MGAT4C: variants seen among roughly 807,000 people sequenced by gnomAD.
MGAT4C encodes alpha-1,3-mannosyl-glycoprotein 4-beta-N-acetylglucosaminyltransferase C.
Under a neutral mutation model 40.1 loss-of-function variants are expected in MGAT4C, and 19 were observed. That is an observed-to-expected ratio of 0.47 (90% CI 0.33 to 0.70). The LOEUF is 0.70. MGAT4C is among the 30% of genes least tolerant of loss of function. The pLI, the probability that MGAT4C is intolerant of heterozygous loss-of-function variation, is 0.02. For missense variants in MGAT4C, 491 were observed against 563.2 expected, an observed-to-expected ratio of 0.87 and a Z score of 1.30; for synonymous variants, 181 against 187.1, an observed-to-expected ratio of 0.97 and a Z score of 0.27.
chr12:86,603,944 A>T (rs1355243997), intron 2 of MGAT4C, among the ~76,000 whole-genome samples: 1 of 151,236 alleles, frequency 6.6e-6, no homozygotes, highest in Non-Finnish European at 1.5e-5. Flanking sequence ...AACCTGATAT[A>T]GTTACATTTC....
intron 2 of MGAT4C, among the ~76,000 whole-genome samples, chr12:86,714,701 T>A (rs1162119365): frequency 6.6e-6 from 1 of 151,252 alleles, no homozygotes; most frequent in East Asian, 1.9e-4. Flanking sequence ...TTACCCAGTC[T>A]CCAGTATGTC....
At chr12:86,036,609 G>C (rs1891261697) in intron 2 of MGAT4C, among the ~76,000 whole-genome samples, 2 of 149,940 alleles carry the variant, frequency 1.3e-5, no homozygotes, top group Admixed American at 6.7e-5. Flanking sequence ...TTATTGATTT[G>C]AGTATTTTGA....
rs371002701 is a variant in MGAT4C, at chr12:86,696,073, G to A, written c.-229+31136C>T. Among the ~76,000 whole-genome samples the A allele has an allele frequency of 5.3e-5, 8 of 152,016 alleles. No individual in the cohort carries two copies. In the South Asian group the frequency reaches 1.0e-3, roughly 20 times the overall value. ...AAAAATACAAAAAAATTAGCTGGGC[G>A]TGGTGGTGCGCACCTGTATTCCCAA... is the stretch of plus-strand genomic sequence containing the variant. On this transcript the variant is annotated intron_variant, in intron 2 of 7. Coordinates refer to the MGAT4C transcript ENST00000548651.
chr12:86,069,846 A>G (rs1176545981), intron 1 of MGAT4C, among the ~76,000 whole-genome samples: 2 of 151,966 alleles, frequency 1.3e-5, no homozygotes, highest in African/African-American at 4.8e-5. Context: ...CACCCCCAAT[A>G]TATTCTAAAT....
chr12:86,033,731 C>A (rs1375839732), intron 2 of MGAT4C, among the ~76,000 whole-genome samples: 2 of 149,328 alleles, frequency 1.3e-5, no homozygotes, highest in African/African-American at 2.4e-5. Flanking sequence ...CTTTCAATTA[C>A]TATGCCTTTA....
intron 1 of MGAT4C, among the ~76,000 whole-genome samples, chr12:86,774,046 T>C (rs1951687270): frequency 2.1e-5 from 3 of 145,366 alleles, no homozygotes; most frequent in Non-Finnish European, 4.5e-5. Context: ...CTCTGTCTTT[T>C]GGGTTCAAGC....
intron 2 of MGAT4C, among the ~76,000 whole-genome samples, chr12:86,603,756 A>T (rs1169093301): frequency 1.9e-3 from 241 of 127,828 alleles, no homozygotes; most frequent in Admixed American, 4.3e-3. Flanking sequence ...TATTATATAT[A>T]ATATATAGTA....
At chr12:86,383,109 G>C (rs776365589) in intron 3 of MGAT4C, among the ~76,000 whole-genome samples, 5 of 152,188 alleles carry the variant, frequency 3.3e-5, no homozygotes, top group African/African-American at 9.6e-5. Flanking sequence ...GACATTCAAT[G>C]CCAGCTCATG....
chr12:86,666,277 C>T (rs2136556722), intron 2 of MGAT4C, among the ~76,000 whole-genome samples: 1 of 152,240 alleles, frequency 6.6e-6, no homozygotes, highest in Non-Finnish European at 1.5e-5. Context: ...TAAGACTTTT[C>T]TATAGCTCTA....
At chr12:86,831,156 T>C (rs576014310) in intron 1 of MGAT4C, among the ~76,000 whole-genome samples, 40 of 151,948 alleles carry the variant, frequency 2.6e-4, no homozygotes, top group Admixed American at 2.4e-3. Context: ...TCTTCATTTC[T>C]ACATGTAAAT....
chr12:86,520,375 T>C (rs1027205784), intron 2 of MGAT4C, among the ~76,000 whole-genome samples: 1 of 152,198 alleles, frequency 6.6e-6, no homozygotes, highest in African/African-American at 2.4e-5. Flanking sequence ...TCCAGCTCCA[T>C]CCATGTTCTT....
At chr12:86,643,199 AC>A (rs763215476) in intron 2 of MGAT4C, among the ~76,000 whole-genome samples, 16 of 151,772 alleles carry the variant, frequency 1.1e-4, no homozygotes, top group Non-Finnish European at 2.1e-4. Context: ...GTGATAATGA[AC>A]CCACAATAAC....
At chr12:86,571,104 C>T (rs1042835610) in intron 2 of MGAT4C, among the ~76,000 whole-genome samples, 16 of 152,056 alleles carry the variant, frequency 1.1e-4, no homozygotes, top group South Asian at 2.1e-4. Flanking sequence ...AGTGAGCTAC[C>T]GGTGCCTGCC....
At chr12:86,590,078 AG>A (rs1208799755) in intron 2 of MGAT4C, among the ~76,000 whole-genome samples, 3 of 151,858 alleles carry the variant, frequency 2.0e-5, no homozygotes, top group Non-Finnish European at 4.4e-5. Flanking sequence ...ACAAAGGGAG[AG>A]GAGTACAGCT....
At chr12:86,821,576 G>A (rs1463484520) in intron 1 of MGAT4C, among the ~76,000 whole-genome samples, 1 of 150,746 alleles carries the variant, frequency 6.6e-6, no homozygotes, top group Admixed American at 6.7e-5. Flanking sequence ...TTATCATATA[G>A]TGCTACCAAA....
chr12:86,354,060 C>CT (rs1260658165), intron 3 of MGAT4C, among the ~76,000 whole-genome samples: 1 of 152,136 alleles, frequency 6.6e-6, no homozygotes, highest in African/African-American at 2.4e-5. Flanking sequence ...TTCGAAAAAA[C>CT]TTTGATATGA....
chr12:86,766,454 A>T (rs1190017783), intron 1 of MGAT4C, among the ~76,000 whole-genome samples: 3 of 152,124 alleles, frequency 2.0e-5, no homozygotes, highest in Admixed American at 2.0e-4. Flanking sequence ...CATTAGAAAG[A>T]TCAACGAGAC....
intron 3 of MGAT4C, among the ~76,000 whole-genome samples, chr12:86,350,801 A>T (rs897262227): frequency 1.3e-5 from 2 of 152,112 alleles, no homozygotes; most frequent in African/African-American, 4.8e-5. Flanking sequence ...GAAATGTTTG[A>T]TATACAATTC....
chr12:86,353,502 A>G (rs1023378463), intron 3 of MGAT4C, among the ~76,000 whole-genome samples: 1 of 152,172 alleles, frequency 6.6e-6, no homozygotes, highest in African/African-American at 2.4e-5. Flanking sequence ...AAGGAAACTT[A>G]TCTCATTGTG....
Sources: allele counts gnomAD v4.1 joint callset (sites outside exome capture counted in the v4.1 genomes callset), GRCh38; gene constraint gnomAD v4.1.1; transcripts MANE v1.5; gene names NCBI Gene and HGNC (gene_info 2026-07-23, HGNC 2026-07-21).